Variants in DMD observed in about 807,000 individuals in gnomAD.
The protein encoded by DMD is dystrophin, also known as mutant dystrophin.
Under a neutral mutation model 330.1 loss-of-function variants are expected in DMD, and 63 were observed. That is an observed-to-expected ratio of 0.19 (90% confidence interval 0.16 to 0.24). The LOEUF (loss-of-function observed/expected upper bound fraction) is 0.24. DMD is among the 10% of genes least tolerant of loss of function. The pLI is 1.00. For missense variants in DMD, 3,344 were observed against 2,684.1 expected (o/e 1.25, Z -5.43); for synonymous variants, 1,223 against 959.8 (o/e 1.27, Z -5.07).
intron 1 of DMD, among the ~76,000 whole-genome samples, chrX:33,189,638 C>T (rs1291033821): frequency 9.1e-6 from 1 of 110,325 alleles, no homozygotes. Flanking sequence ...AGTTTGGGGG[C>T]CCGCACATAG....
rs146448758 is a variant in DMD at position 33,327,080 on chromosome X, T to G, written c.7+12179A>C. On this transcript the variant is annotated intron_variant, in intron 1 of 17. Coordinates refer to the DMD transcript ENST00000288447. ...AGTACTTATGAATTAAATGTACTTG[T>G]TTTATTGACATTCCTATTTGTTCAC... Among the ~76,000 whole-genome samples, 450 of 112,505 alleles carry G rather than the reference T, an allele frequency of 4.0e-3. 1 individual carries two copies. Among genetic ancestry groups the G allele is most frequent in the African/African-American group, 0.014 (436 of 31,010 alleles).
At chrX:32,161,636 C>T (rs777214949) in intron 44 of DMD, among the ~76,000 whole-genome samples, 8 of 111,696 alleles carry the variant, frequency 7.2e-5, no homozygotes, top group Non-Finnish European at 1.5e-4. Context: ...CTATAAAATG[C>T]AAATTTATTT....
chrX:31,456,236 G>A (rs2066149690), intron 59 of DMD, among the ~76,000 whole-genome samples: 1 of 112,280 alleles, frequency 8.9e-6, no homozygotes, highest in South Asian at 3.7e-4. Context: ...GCATACTTTA[G>A]GGCTGTTACA....
Position 32,595,740 on chromosome X carries a change from A to G in DMD, c.1602+17T>C, listed in dbSNP as rs759713873. On this transcript the variant is annotated intron_variant, in intron 13 of 78. Transcript: ENST00000357033. The stretch of plus-strand genomic sequence containing the variant: ...TTTTAAAGGACATATTTAGTTTACT[A>G]AGCAAAATAATCTGACCTTAAGTTG... The G allele has an allele frequency of 1.7e-6, 2 of 1,206,505 alleles. No individual in the cohort carries two copies. The highest frequency in any genetic ancestry group is 1.1e-6 in the Non-Finnish European group (1 of 892,259).
intron 7 of DMD, among the ~76,000 whole-genome samples, chrX:32,789,238 T>A (rs758062950): frequency 8.9e-6 from 1 of 112,484 alleles, no homozygotes; most frequent in East Asian, 2.8e-4. Flanking sequence ...TGTCTGTGGA[T>A]GAACAATTTC....
At chrX:32,186,700 G>C (rs1285932922) in intron 44 of DMD, among the ~76,000 whole-genome samples, 1 of 111,044 alleles carries the variant, frequency 9.0e-6, no homozygotes, top group Admixed American at 9.7e-5. Flanking sequence ...TTTTGCTGTA[G>C]TTTGATTTAT....
chrX:31,927,733 T>A (rs763631007), intron 47 of DMD, among the ~76,000 whole-genome samples: 3 of 111,533 alleles, frequency 2.7e-5, no homozygotes, highest in African/African-American at 6.5e-5. Context: ...CTTATTTTAG[T>A]TCCTAAATAT....
intron 54 of DMD, among the ~76,000 whole-genome samples, chrX:31,652,527 A>G (rs2080518480): frequency 9.0e-6 from 1 of 111,707 alleles, no homozygotes; most frequent in Non-Finnish European, 1.9e-5. Flanking sequence ...TCGATGGCAG[A>G]TGATATTTTA....
chrX:32,994,279 A>G (rs1166245094), intron 2 of DMD, among the ~76,000 whole-genome samples: 2 of 109,445 alleles, frequency 1.8e-5, no homozygotes, highest in East Asian at 2.9e-4. Flanking sequence ...TTTGGGGATG[A>G]TATGTCCTAA....
intron 1 of DMD, among the ~76,000 whole-genome samples, chrX:33,138,684 T>C (rs776203461): frequency 2.7e-5 from 3 of 111,573 alleles, no homozygotes; most frequent in African/African-American, 6.5e-5. Context: ...TGTTTCCTTT[T>C]CTTTTCATCC....
At chrX:32,250,392 T>C (rs1289229829) in intron 43 of DMD, among the ~76,000 whole-genome samples, 1 of 112,124 alleles carries the variant, frequency 8.9e-6, no homozygotes. Flanking sequence ...TTAGCTAATA[T>C]TGTGGCAAAT....
intron 62 of DMD, among the ~76,000 whole-genome samples, chrX:31,294,775 C>T (rs1414381918): frequency 1.8e-5 from 2 of 111,398 alleles, no homozygotes; most frequent in Admixed American, 1.9e-4. Flanking sequence ...GCAGAAATGA[C>T]CACTAAAGGA....
chrX:31,851,557 A>AT (rs1285389266), intron 48 of DMD, among the ~76,000 whole-genome samples: 1 of 111,836 alleles, frequency 8.9e-6, no homozygotes, highest in Non-Finnish European at 1.9e-5. Flanking sequence ...CAAATGAAAT[A>AT]TTACCAAAAC....
intron 7 of DMD, among the ~76,000 whole-genome samples, chrX:32,700,708 CAAAGATA>C (rs968126512): frequency 1.8e-4 from 20 of 110,959 alleles, no homozygotes; most frequent in African/African-American, 6.5e-4. Flanking sequence ...ATATAAAAAT[CAAAGATA>C]AAAGATAAAC....
chrX:31,190,611 GAGGGGGA>G (rs2042236038), intron 67 of DMD, among the ~76,000 whole-genome samples: 29 of 10,113 alleles, frequency 2.9e-3, no homozygotes, highest in Non-Finnish European at 4.8e-3. Flanking sequence ...GGGGGGGGGG[GAGGGGGA>G]GGGCGGGGAG....
intron 7 of DMD, among the ~76,000 whole-genome samples, chrX:32,743,836 T>C (rs1490403224): frequency 9.0e-6 from 1 of 111,612 alleles, no homozygotes; most frequent in Non-Finnish European, 1.9e-5. Context: ...TATTGAGTGA[T>C]GGGTGGTTAG....
chrX:32,072,142 T>C (rs905270880), intron 44 of DMD, among the ~76,000 whole-genome samples: 1 of 111,605 alleles, frequency 9.0e-6, no homozygotes, highest in African/African-American at 3.3e-5. Context: ...GCACATTTCC[T>C]TCTGTTTGAT....
At chrX:33,035,280 A>G (rs2094185867) in intron 1 of DMD, among the ~76,000 whole-genome samples, 1 of 111,609 alleles carries the variant, frequency 9.0e-6, no homozygotes, top group African/African-American at 3.3e-5. Flanking sequence ...TTTTATGGAT[A>G]TACACACAGT....
intron 50 of DMD, among the ~76,000 whole-genome samples, chrX:31,798,092 A>C (rs2091909519): frequency 8.9e-6 from 1 of 112,323 alleles, no homozygotes; most frequent in Non-Finnish European, 1.9e-5. Flanking sequence ...TGACATTCAA[A>C]TTGTAAAATA....
Sources: allele counts gnomAD v4.1 joint callset (sites outside exome capture counted in the v4.1 genomes callset), GRCh38; gene constraint gnomAD v4.1.1; transcripts MANE v1.5; gene names NCBI Gene and HGNC (gene_info 2026-07-23, HGNC 2026-07-21).